SLC9D1: variants seen among roughly 807,000 people sequenced by gnomAD.
SLC9D1 encodes the protein solute carrier family 9 member D1, also known as putative LAG1-interacting protein.
At chr13:113,492,823 G>T in the SLC9D1 span, among the ~76,000 whole-genome samples, 1 of 152,222 alleles carries the variant, frequency 6.6e-6, no homozygotes, top group East Asian at 1.9e-4. Flanking sequence ...GCTTGAACCC[G>T]GGAGGCAAAG....
the SLC9D1 span, chr13:113,547,407 C>T: frequency 5.7e-6 from 9 of 1,576,536 alleles, no homozygotes; most frequent in African/African-American, 1.3e-5. Flanking sequence ...CCACGCCCCT[C>T]GCAGTTTGCA....
chr13:113,544,286 G>T, the SLC9D1 span, among the ~76,000 whole-genome samples: 2 of 152,254 alleles, frequency 1.3e-5, no homozygotes, highest in Non-Finnish European at 2.9e-5. Flanking sequence ...CATCTGAAGG[G>T]TGTGAAAGGG....
At chr13:113,508,361 G>A in the SLC9D1 span, among the ~76,000 whole-genome samples, 2 of 152,222 alleles carry the variant, frequency 1.3e-5, no homozygotes, top group Non-Finnish European at 1.5e-5. Flanking sequence ...GCTTGCAGGA[G>A]TAACCCCCAC....
chr13:113,540,969 G>T, the SLC9D1 span, among the ~76,000 whole-genome samples: 1 of 152,178 alleles, frequency 6.6e-6, no homozygotes, highest in African/African-American at 2.4e-5. Flanking sequence ...GTTGAGTGGG[G>T]AGTCCTTTCC....
the SLC9D1 span, among the ~76,000 whole-genome samples, chr13:113,544,254 C>T: frequency 2.0e-5 from 3 of 152,212 alleles, no homozygotes; most frequent in Admixed American, 6.5e-5. Flanking sequence ...GAGGCCCAGG[C>T]TGTGCTTCTG....
chr13:113,530,661 A>T, the SLC9D1 span: 1 of 152,152 alleles, frequency 6.6e-6, no homozygotes, highest in Non-Finnish European at 1.5e-5. Flanking sequence ...TTCAGAATTA[A>T]CCTTGATCAT....
chr13:113,547,494 C>T, the SLC9D1 span: 1 of 821,586 alleles, frequency 1.2e-6, no homozygotes, highest in Non-Finnish European at 2.0e-6. Flanking sequence ...CCCTGCTCCT[C>T]ATCTCGGAGG....
chr13:113,502,370 C>T, the SLC9D1 span, among the ~76,000 whole-genome samples: 2 of 152,112 alleles, frequency 1.3e-5, no homozygotes, highest in Admixed American at 6.5e-5. Context: ...CACACCACCA[C>T]ACCTGGCTAA....
the SLC9D1 span, chr13:113,510,498 G>A: frequency 7.0e-7 from 1 of 1,426,074 alleles, no homozygotes. Flanking sequence ...TCACAGTTGA[G>A]GGCATGTGAG....
chr13:113,517,645 A>G, the SLC9D1 span, among the ~76,000 whole-genome samples: 1 of 152,228 alleles, frequency 6.6e-6, no homozygotes, highest in Non-Finnish European at 1.5e-5. Context: ...TTGCAGATAT[A>G]GTGGTGGTCA....
chr13:113,539,045 T>G, the SLC9D1 span, among the ~76,000 whole-genome samples: 1 of 152,264 alleles, frequency 6.6e-6, no homozygotes, highest in South Asian at 2.1e-4. The surrounding 1 kb of genome is among the most constrained non-coding windows in gnomAD (Gnocchi z 4.8). Flanking sequence ...GTCAAGAAAA[T>G]GTATCACAAA....
At chr13:113,520,239 A>G in the SLC9D1 span, among the ~76,000 whole-genome samples, 3 of 152,200 alleles carry the variant, frequency 2.0e-5, no homozygotes, top group Non-Finnish European at 4.4e-5. Flanking sequence ...TAATCCCAGC[A>G]CTTTGGGAGG....
chr13:113,548,509 T>A, the SLC9D1 span: 1 of 1,552,768 alleles, frequency 6.4e-7, no homozygotes, highest in Non-Finnish European at 8.7e-7. Flanking sequence ...CACTCTGGGT[T>A]TGAGTCGGGT....
chr13:113,515,911 A>G, the SLC9D1 span, among the ~76,000 whole-genome samples: 7 of 151,820 alleles, frequency 4.6e-5, no homozygotes, highest in South Asian at 4.2e-4. Flanking sequence ...AAAAAAAAAA[A>G]AAAGAAATGC....
At chr13:113,520,155 A>G in the SLC9D1 span, among the ~76,000 whole-genome samples, 2 of 152,340 alleles carry the variant, frequency 1.3e-5, no homozygotes, top group South Asian at 2.1e-4. Context: ...AAAATGCTTC[A>G]GTGTTCTCAA....
chr13:113,508,752 G>A, the SLC9D1 span, among the ~76,000 whole-genome samples: 1 of 152,214 alleles, frequency 6.6e-6, no homozygotes, highest in Non-Finnish European at 1.5e-5. Flanking sequence ...GGACAAGCAG[G>A]CCAGCTGGTC....
chr13:113,526,678 C>T, the SLC9D1 span, among the ~76,000 whole-genome samples: 12 of 152,304 alleles, frequency 7.9e-5, no homozygotes, highest in East Asian at 1.9e-4. Flanking sequence ...GTGATCATAC[C>T]GCTGCTCTCC....
chr13:113,539,379 C>T, the SLC9D1 span: 1 of 1,613,256 alleles, frequency 6.2e-7, no homozygotes. The surrounding 1 kb of genome is among the most constrained non-coding windows in gnomAD (Gnocchi z 4.8). Context: ...CTGGACGTCT[C>T]CATGGAGCTG....
chr13:113,493,120 A>G, the SLC9D1 span, among the ~76,000 whole-genome samples: 3 of 152,224 alleles, frequency 2.0e-5, no homozygotes, highest in Admixed American at 6.5e-5. Flanking sequence ...TGTTATGAGT[A>G]TGTTTCAGTG....
Sources: gnomAD v4.1 joint callset for allele counts (sites outside exome capture counted in the v4.1 genomes callset) on GRCh38, gnomAD v4.1.1 for gene constraint, Gnocchi (gnomAD v3.1) non-coding constraint, MANE v1.5 for transcripts, NCBI Gene and HGNC (gene_info 2026-07-23, HGNC 2026-07-21) for gene names.